TLN2: variants seen among roughly 807,000 people sequenced by gnomAD.
The protein encoded by TLN2 is talin-2.
In TLN2, 118 loss-of-function variants were observed where a neutral mutation model predicts 294.7. The observed-to-expected ratio is 0.40, with a 90% confidence interval of 0.34 to 0.47. TLN2 has a LOEUF of 0.47. Ranked by LOEUF, TLN2 falls within the 20% of genes least tolerant of loss-of-function variation. TLN2 has a pLI of 0.84. For synonymous variants in TLN2, 1,431 were observed against 1,304.5 expected, an observed-to-expected ratio of 1.10 and a Z score of -2.09; for missense variants, 3,083 against 3,282.2, an observed-to-expected ratio of 0.94 and a Z score of 1.48.
Position 62,757,818 on chromosome 15 carries a change from C to T in TLN2, c.4638+2125C>T, listed in dbSNP as rs140627182. Among the ~76,000 whole-genome samples, 429 of 152,234 alleles carry T rather than the reference C, an allele frequency of 2.8e-3. 2 individuals carry two copies. The highest frequency in any genetic ancestry group is 0.01 in the African/African-American group (417 of 41,538). ...AACAGAAATGAACGTGCTGCCCCTC[C>T]GCGTGTGGAAATGGGCCTGGTTTTT... On this transcript the variant is annotated intron_variant, in intron 37 of 58. Coordinates refer to ENST00000636159, the MANE Select transcript of TLN2 (RefSeq NM_015059.3).
chr15:62,763,375 AG>A, intron 39 of TLN2, 187 bp from the exon 40 acceptor site: 1 of 571,896 alleles, frequency 1.7e-6, no homozygotes, highest in East Asian at 3.0e-5. Flanking sequence ...AGTTATCTGA[AG>A]TGTTAAATTA....
intron 1 of TLN2, among the ~76,000 whole-genome samples, chr15:62,452,527 T>G (rs934788014): frequency 3.9e-5 from 6 of 152,212 alleles, no homozygotes; most frequent in African/African-American, 1.4e-4. Context: ...TTCACATTGC[T>G]GGGCAGCATC....
rs377481297 is a variant in TLN2, at chr15:62,711,960, C to A, written c.2517C>A (p.Leu839=). The change falls in exon 22 of 59, where the codon CTC becomes CTA. Residue 839 remains leucine (L), a synonymous_variant. Coordinates refer to ENST00000636159, the MANE Select transcript of TLN2 (RefSeq NM_015059.3). ...ARVLAQATSD[L]VNAMRSDAEA... ...TTCTGGCCCAAGCCACATCAGACCT[C>A]GTCAATGCCATGAGGTCAGATGCAG... is the stretch of plus-strand genomic sequence containing the variant. 2.5e-5 allele frequency: 41 copies of A among 1,613,996 alleles called. No individual in the cohort carries two copies. Among genetic ancestry groups the A allele is most frequent in the Non-Finnish European group, 3.2e-5 (38 of 1,179,972 alleles).
At chr15:62,737,566 G>C (rs1227108181) in intron 29 of TLN2, among the ~76,000 whole-genome samples, 1 of 152,184 alleles carries the variant, frequency 6.6e-6, no homozygotes, top group Non-Finnish European at 1.5e-5. Context: ...GGCTGGGAAG[G>C]AGATGGCTTA....
chr15:62,553,217 T>C (rs1481192206), intron 1 of TLN2, among the ~76,000 whole-genome samples: 2 of 152,178 alleles, frequency 1.3e-5, no homozygotes, highest in Admixed American at 6.5e-5. Context: ...TAATGGCGGC[T>C]GGGCACAGTG....
intron 14 of TLN2, among the ~76,000 whole-genome samples, chr15:62,695,881 C>G (rs1051530951): frequency 2.0e-5 from 3 of 152,190 alleles, no homozygotes; most frequent in African/African-American, 7.2e-5. Flanking sequence ...CCCATAGGAG[C>G]GGCCCAGTAA....
intron 1 of TLN2, among the ~76,000 whole-genome samples, chr15:62,468,096 C>T (rs1226797968): frequency 2.0e-5 from 3 of 151,550 alleles, no homozygotes; most frequent in Non-Finnish European, 2.9e-5. Context: ...AAAGCTGTTG[C>T]GAAGGCTTAA....
chr15:62,413,200 CTT>C (rs2033875288), intron 1 of TLN2, among the ~76,000 whole-genome samples: 1 of 152,172 alleles, frequency 6.6e-6, no homozygotes. Context: ...TTGGAAGACT[CTT>C]TAGCAAACTG....
intron 1 of TLN2, among the ~76,000 whole-genome samples, chr15:62,465,329 A>G (rs929965170): frequency 1.3e-5 from 2 of 151,918 alleles, no homozygotes; most frequent in Admixed American, 1.3e-4. Context: ...GGTGTGTGAT[A>G]ATGGGATTCC....
chr15:62,487,755 T>G (rs2038484021), intron 1 of TLN2, among the ~76,000 whole-genome samples: 1 of 151,888 alleles, frequency 6.6e-6, no homozygotes, highest in Non-Finnish European at 1.5e-5. Context: ...TACAAAAAAT[T>G]AGCCGGGCAT....
intron 1 of TLN2, among the ~76,000 whole-genome samples, chr15:62,575,588 C>G (rs1428547367): frequency 1.4e-5 from 2 of 145,098 alleles, no homozygotes; most frequent in Non-Finnish European, 3.0e-5. Flanking sequence ...CATCAATTTC[C>G]ATGGAATCAC....
chr15:62,689,605 ATGT>A (rs1336492405), intron 12 of TLN2, among the ~76,000 whole-genome samples: 1 of 151,818 alleles, frequency 6.6e-6, no homozygotes, highest in Admixed American at 6.6e-5. Flanking sequence ...TCCTCTGAGA[ATGT>A]TATTATTTCC....
chr15:62,503,035 G>A (rs988622781), intron 1 of TLN2, among the ~76,000 whole-genome samples: 8 of 152,158 alleles, frequency 5.3e-5, no homozygotes, highest in African/African-American at 1.9e-4. Flanking sequence ...AAGGCCAGGT[G>A]ATTTGTGCCT....
chr15:62,555,722 T>C (rs536249983), intron 1 of TLN2, among the ~76,000 whole-genome samples: 16 of 152,326 alleles, frequency 1.1e-4, no homozygotes, highest in African/African-American at 3.8e-4. Flanking sequence ...TTTCCCGGTA[T>C]AATGTGTCAA....
chr15:62,398,328 C>T (rs925535392), intron 1 of TLN2, among the ~76,000 whole-genome samples: 2 of 152,070 alleles, frequency 1.3e-5, no homozygotes, highest in Non-Finnish European at 2.9e-5. Context: ...TTTCCTGAGG[C>T]CCCCCAACTG....
chr15:62,575,597 A>C (rs1288074810), intron 1 of TLN2, among the ~76,000 whole-genome samples: 2 of 127,992 alleles, frequency 1.6e-5, no homozygotes, highest in African/African-American at 5.4e-5. Context: ...CCATGGAATC[A>C]CTTAAAAAAC....
At chr15:62,401,126 C>T (rs1595725000) in intron 1 of TLN2, among the ~76,000 whole-genome samples, 2 of 152,176 alleles carry the variant, frequency 1.3e-5, no homozygotes, top group Non-Finnish European at 2.9e-5. Context: ...AAGTGTTTGG[C>T]TGTCCTCTGG....
intron 45 of TLN2, among the ~76,000 whole-genome samples, chr15:62,790,767 T>G (rs1439598083): frequency 6.6e-6 from 1 of 152,204 alleles, no homozygotes; most frequent in African/African-American, 2.4e-5. Context: ...TAACATTATT[T>G]TCAAACCAAC....
At chr15:62,674,240 G>A (rs2055851831) in intron 10 of TLN2, among the ~76,000 whole-genome samples, 1 of 152,112 alleles carries the variant, frequency 6.6e-6, no homozygotes, top group Non-Finnish European at 1.5e-5. Flanking sequence ...TTTTGAAAGT[G>A]GAATTTGGAA....
Sources: gnomAD v4.1 joint callset for allele counts (sites outside exome capture counted in the v4.1 genomes callset) on GRCh38, gnomAD v4.1.1 for gene constraint, MANE v1.5 for transcripts, NCBI Gene and HGNC (gene_info 2026-07-23, HGNC 2026-07-21) for gene names.